Variants in ABCG2 observed in about 807,000 individuals in gnomAD.
ABCG2 encodes broad substrate specificity ATP-binding cassette transporter ABCG2.
ABCG2 carries 80 observed loss-of-function variants against 73.5 expected under a neutral mutation model. That is an observed-to-expected ratio of 1.09 (90% CI 0.91 to 1.31). The LOEUF (loss-of-function observed/expected upper bound fraction) is 1.31, where lower values mean the gene tolerates loss of function less well. Ranked by LOEUF, ABCG2 falls within the 50% of genes most tolerant of loss-of-function variation. ABCG2 has a pLI of 0.00. For synonymous variants in ABCG2, 269 were observed against 282.4 expected (o/e 0.95, Z 0.48); for missense variants, 796 against 786.2 (o/e 1.01, Z -0.15).
chr4:88,090,634 A>G lies in ABCG2; in HGVS notation c.*1600T>C, dbSNP rs986525292. On this transcript the variant is annotated 3_prime_UTR_variant, in exon 16 of 16. Coordinates refer to ENST00000237612, the MANE Select transcript of ABCG2 (RefSeq NM_004827.3). Reference sequence around the variant, plus strand: ...GACAAACTAAATGAATTCCAAGATGACCAGTGTCAGGGCGTCTATACACCA... The same window carrying G: ...GACAAACTAAATGAATTCCAAGATGGCCAGTGTCAGGGCGTCTATACACCA... The G allele has an allele frequency of 6.6e-6, 1 of 152,224 alleles. No individual in the cohort carries two copies. The highest frequency in any genetic ancestry group is 1.5e-5 in the Non-Finnish European group (1 of 68,046). The allele number at this position is 152,224 out of a possible 1,614,324, so 9.4% of individuals were successfully genotyped here.
In ABCG2 at chr4:88,092,338, A is replaced by G. The variant is rs940512116; in HGVS notation, c.1864T>C (p.Ser622Pro). The G allele has an allele frequency of 6.2e-7, 1 of 1,613,478 alleles. No individual in the cohort carries two copies. The highest frequency in any genetic ancestry group is 1.3e-5 in the African/African-American group (1 of 74,922). ...TGATTCTTCCACAAGCCCCAGGGTG[A>G]GAGATCGATGCCCTGCTTTACCAAA... ...EYLVKQGIDLSPWGLWKNHVA... is the reference protein window; with the variant it reads ...EYLVKQGIDLPPWGLWKNHVA... Residue 622 changes from serine (S) to proline (P), a missense_variant, in exon 16 of 16, where the codon TCA becomes CCA. Transcript: ENST00000237612.
chr4:88,222,412 G>A (rs1730044856), intron 1 of ABCG2, among the ~76,000 whole-genome samples: 1 of 152,166 alleles, frequency 6.6e-6, no homozygotes. Flanking sequence ...GGAGGTCACT[G>A]AATCGTGGGC....
chr4:88,110,387 AC>A (rs1723055461), intron 9 of ABCG2, among the ~76,000 whole-genome samples: 1 of 152,044 alleles, frequency 6.6e-6, no homozygotes, highest in South Asian at 2.1e-4. Flanking sequence ...TACTAAAAAT[AC>A]AAAAATTAGC....
In ABCG2 at chr4:88,113,365, T is replaced by C; in HGVS notation, c.1132A>G (p.Arg378Gly). Residue 378 changes from arginine to glycine, a missense_variant, in exon 9 of 16, where the codon AGA becomes GGA. Arg to Gly is a moderately radical substitution (Grantham distance 125). Transcript: ENST00000237612. Reference sequence around the variant, plus strand: ...TTGAATGAACGCTTGGAAACCCATCTGAGTTGATGACAGAAGGAGGTGGTG... The same window carrying C: ...TTGAATGAACGCTTGGAAACCCATCCGAGTTGATGACAGAAGGAGGTGGTG... ...SYTTSFCHQL[R>G]WVSKRSFKNL... 1 of 1,614,216 alleles carries C rather than the reference T, an allele frequency of 6.2e-7. No homozygotes were observed. The highest frequency in any genetic ancestry group is 8.5e-7 in the Non-Finnish European group (1 of 1,180,036).
In ABCG2 at chr4:88,158,410, A is replaced by C; in HGVS notation, c.-44T>G. On this transcript the variant is annotated 5_prime_UTR_variant, in exon 1 of 16. Coordinates refer to ENST00000237612, the MANE Select transcript of ABCG2 (RefSeq NM_004827.3). Reference sequence around the variant, plus strand: ...CTCAGCTTAATAGAGCTCGGTCTTAACCAAAGGCTCAGGATCTCAGGATGC... The same window carrying C: ...CTCAGCTTAATAGAGCTCGGTCTTACCCAAAGGCTCAGGATCTCAGGATGC... 2.3e-6 allele frequency: 1 copy of C among 432,494 alleles called. No individual in the cohort carries two copies. The highest frequency in any genetic ancestry group is 4.6e-6 in the Non-Finnish European group (1 of 215,450). The allele number at this position is 432,494 out of a possible 1,614,324, so 26.8% of individuals were successfully genotyped here.
intron 1 of ABCG2, among the ~76,000 whole-genome samples, chr4:88,225,013 AG>A (rs1323157656): frequency 2.6e-5 from 4 of 152,204 alleles, no homozygotes; most frequent in African/African-American, 9.6e-5. Flanking sequence ...GGTTTATTTC[AG>A]GGCTTTCTAT....
At chr4:88,169,966 C>T (rs188642724) in intron 1 of ABCG2, among the ~76,000 whole-genome samples, 15 of 152,172 alleles carry the variant, frequency 9.9e-5, no homozygotes, top group Admixed American at 5.9e-4. Flanking sequence ...CAAAAATTAG[C>T]CAGGCATGGT....
intron 7 of ABCG2, among the ~76,000 whole-genome samples, 198 bp from the exon 8 acceptor site, chr4:88,115,256 C>CTCTCTCTCTCTCTATATA (rs1309360818): frequency 1.4e-5 from 1 of 69,862 alleles, no homozygotes; most frequent in Admixed American, 1.8e-4. Context: ...CTCTCTCTCT[C>CTCTCTCTCTCTCTATATA]TATATATATA....
At chr4:88,141,128 A>G (rs775890154) in intron 1 of ABCG2, among the ~76,000 whole-genome samples, 1 of 152,164 alleles carries the variant, frequency 6.6e-6, no homozygotes, top group African/African-American at 2.4e-5. Context: ...CTCTCTGCCT[A>G]TGATTGAGTT....
chr4:88,107,324 T>TAA, intron 9 of ABCG2, 58 bp from the exon 10 acceptor site: 1 of 1,170,286 alleles, frequency 8.5e-7, no homozygotes, highest in Admixed American at 2.2e-5. Flanking sequence ...GATAAAAACT[T>TAA]ATACACACCA....
intron 1 of ABCG2, among the ~76,000 whole-genome samples, chr4:88,186,182 CA>C (rs571165123): frequency 6.6e-6 from 1 of 152,058 alleles, no homozygotes; most frequent in Non-Finnish European, 1.5e-5. Flanking sequence ...TATTCAGCCA[CA>C]AAAAAATTAG....
At chr4:88,202,366 A>ATATATATATATG (rs1560754015) in intron 1 of ABCG2, among the ~76,000 whole-genome samples, 3 of 122,946 alleles carry the variant, frequency 2.4e-5, no homozygotes, top group African/African-American at 8.9e-5. Context: ...ATATATATAT[A>ATATATATATATG]TATATATATA....
chr4:88,127,610 A>G (rs1348496965), intron 5 of ABCG2, among the ~76,000 whole-genome samples: 1 of 152,218 alleles, frequency 6.6e-6, no homozygotes, highest in Non-Finnish European at 1.5e-5. Flanking sequence ...GGCCTCAGAA[A>G]TAATGCCACA....
At chr4:88,107,471 T>C (rs766088112) in intron 9 of ABCG2, among the ~76,000 whole-genome samples, 7 of 152,202 alleles carry the variant, frequency 4.6e-5, no homozygotes, top group Non-Finnish European at 1.0e-4. Context: ...AATTAAGTTA[T>C]CTGTGCTTTG....
At chr4:88,100,506 C>T (rs1430261364) in intron 11 of ABCG2, among the ~76,000 whole-genome samples, 1 of 103,210 alleles carries the variant, frequency 9.7e-6, no homozygotes, top group African/African-American at 3.8e-5. Flanking sequence ...GACTCTATGT[C>T]AAAAAAAAAA....
At chr4:88,134,749 CA>C (rs1165669691) in intron 2 of ABCG2, among the ~76,000 whole-genome samples, 2 of 152,222 alleles carry the variant, frequency 1.3e-5, no homozygotes, top group African/African-American at 4.8e-5. Flanking sequence ...GAAACCCTGG[CA>C]TTACAGAAAA....
rs1309360818 is a variant in ABCG2, at chr4:88,115,256, C to CTCTCTCTCTCTCTCTCTCTCTCTA, written c.842-199_842-198insTAGAGAGAGAGAGAGAGAGAGAGA. 2.8e-3 allele frequency among the ~76,000 whole-genome samples: 195 copies of CTCTCTCTCTCTCTCTCTCTCTCTA among 69,824 alleles called. 1 individual carries two copies. Among genetic ancestry groups the CTCTCTCTCTCTCTCTCTCTCTCTA allele is most frequent in the African/African-American group, 0.01 (177 of 17,700 alleles). 45.8% of individuals were successfully genotyped at this position (69,824 alleles called of 152,430 possible). A position where few individuals can be genotyped will look rare whatever the true frequency, so the allele number is the denominator to read the frequency against. ...AGTCTCTCTCTCTCTCTCTCTCTCTCTATATATATATATATATATATATAT... is the reference window on the plus strand; with the variant it reads ...AGTCTCTCTCTCTCTCTCTCTCTCTCTCTCTCTCTCTCTCTCTCTCTCTATATATATATATATATATATATATAT... On this transcript the variant is annotated intron_variant, in intron 7 of 15. Coordinates refer to ENST00000237612, the MANE Select transcript of ABCG2 (RefSeq NM_004827.3).
chr4:88,172,322 T>C (rs1727788113), intron 1 of ABCG2, among the ~76,000 whole-genome samples: 1 of 146,172 alleles, frequency 6.8e-6, no homozygotes, highest in African/African-American at 2.6e-5. Context: ...CTGGGCCTAG[T>C]GGCTCATGCC....
chr4:88,169,808 A>C (rs191399625), intron 1 of ABCG2, among the ~76,000 whole-genome samples: 90 of 152,186 alleles, frequency 5.9e-4, no homozygotes, highest in Non-Finnish European at 1.2e-3. Context: ...TTTGGCACTA[A>C]AGAAGAGAAA....
Sources: gnomAD v4.1 joint callset for allele counts (sites outside exome capture counted in the v4.1 genomes callset) on GRCh38, gnomAD v4.1.1 for gene constraint, MANE v1.5 for transcripts, NCBI Gene and HGNC (gene_info 2026-07-23, HGNC 2026-07-21) for gene names.